The following MGAM variants were observed in gnomAD, a reference collection of about 807,000 sequenced individuals.
MGAM encodes the protein alpha-1,4-glucosidase.
Under a neutral mutation model 358.8 loss-of-function variants are expected in MGAM, and 253 were observed. The observed-to-expected ratio is 0.71, with a 90% CI of 0.64 to 0.78. The LOEUF (loss-of-function observed/expected upper bound fraction) is 0.78. MGAM is among the 30% of genes least tolerant of loss of function. The pLI is 0.00. For missense variants in MGAM, 3,080 were observed against 3,432.6 expected (o/e 0.90, Z 2.57); for synonymous variants, 1,105 against 1,227.1 (o/e 0.90, Z 2.08).
chr7:142,072,932 T>G (rs549613395), intron 44 of MGAM, among the ~76,000 whole-genome samples: 1 of 146,762 alleles, frequency 6.8e-6, no homozygotes, highest in African/African-American at 2.4e-5. Flanking sequence ...TAGCTCAGTG[T>G]TTTGCTATCC....
At chr7:142,067,962 AT>A (rs1563191192) in intron 42 of MGAM, among the ~76,000 whole-genome samples, 648 of 36,274 alleles carry the variant, frequency 0.018, 30 homozygotes, top group African/African-American at 0.047. Context: ...ATATATATAT[AT>A]AAATATATAT....
intron 26 of MGAM, among the ~76,000 whole-genome samples, chr7:142,053,399 C>G (rs145469241): frequency 1.3e-3 from 204 of 152,008 alleles, no homozygotes; most frequent in Non-Finnish European, 2.7e-3. Context: ...GAATGATGAC[C>G]GTGTTGGTAT....
intron 43 of MGAM, 38 bp downstream of exon 43, chr7:142,068,741 G>A: frequency 2.1e-6 from 3 of 1,412,512 alleles, no homozygotes; most frequent in Non-Finnish European, 2.0e-6. Flanking sequence ...ACGGGAATGT[G>A]GTAGAGAGTA....
chr7:142,047,686 A>G, intron 21 of MGAM, 99 bp from the exon 22 acceptor site: 1 of 1,106,218 alleles, frequency 9.0e-7, no homozygotes, highest in Non-Finnish European at 1.4e-6. Context: ...ATCTGCTGCT[A>G]GTAACTTTTC....
chr7:142,103,838 G>A (rs113943304), intron 70 of MGAM, among the ~76,000 whole-genome samples: 1,814 of 151,740 alleles, frequency 0.012, 31 homozygotes, highest in African/African-American at 0.042. Context: ...AACTATGATA[G>A]AATGCTTCCT....
In MGAM at chr7:142,034,274, G is replaced by A. The variant is rs1807774167; in HGVS notation, c.1682G>A (p.Gly561Glu). ...NPPFTPRILD[G>E]YLFCKTLCMD... Reference sequence around the variant, plus strand: ...GCTTTTGTTTCAGGAATCCTGGATGGGTACCTGTTCTGCAAGACTCTCTGT... The same window carrying A: ...GCTTTTGTTTCAGGAATCCTGGATGAGTACCTGTTCTGCAAGACTCTCTGT... Residue 561 changes from glycine (G) to glutamate (E), a missense_variant, in exon 15 of 71, where the codon GGG becomes GAG. Gly to Glu is a moderately conservative substitution (Grantham distance 98). Around this residue, in one of 5 missense-constraint regions of MGAM, gnomAD observed 1,816 missense variants for 1,840.5 expected, o/e 0.99. Transcript: ENST00000475668. The A allele has an allele frequency of 6.3e-7, 1 of 1,591,534 alleles. No individual in the cohort carries two copies. Among genetic ancestry groups the A allele is most frequent in the African/African-American group, 1.3e-5 (1 of 74,522 alleles).
chr7:142,070,350 G>C (rs1221446515), intron 43 of MGAM, among the ~76,000 whole-genome samples: 1 of 146,272 alleles, frequency 6.8e-6, no homozygotes, highest in African/African-American at 2.4e-5. Context: ...GCAAACTATG[G>C]CCCACAGCCA....
At chr7:142,053,092 A>C in intron 26 of MGAM, 108 bp downstream of exon 26, 2 of 1,207,334 alleles carry the variant, frequency 1.7e-6, no homozygotes, top group Non-Finnish European at 2.3e-6. Flanking sequence ...GCTACAACAG[A>C]CTATATCATT....
chr7:142,045,052 AATAT>A (rs1809877975), intron 21 of MGAM, among the ~76,000 whole-genome samples: 1 of 93,812 alleles, frequency 1.1e-5, no homozygotes, highest in East Asian at 2.4e-4. Context: ...TATGATATAT[AATAT>A]GTATATTATA....
In MGAM at chr7:142,066,389, C is replaced by G. The variant is rs1351615105; in HGVS notation, c.4771-184C>G. Among the ~76,000 whole-genome samples the G allele has an allele frequency of 2.7e-5, 4 of 146,138 alleles. 1 individual carries two copies. Among genetic ancestry groups the G allele is most frequent in the African/African-American group, 9.7e-5 (4 of 41,112 alleles). ...AGAATGTCTTACAGTGAAATTTTAT[C>G]AGCTGTCTTAGGAGAGCTTTGGTGA... On this transcript the variant is annotated intron_variant, in intron 40 of 70. Coordinates refer to ENST00000475668, the MANE Select transcript of MGAM (RefSeq NM_001365693.1).
intron 53 of MGAM, among the ~76,000 whole-genome samples, 157 bp downstream of exon 53, chr7:142,083,570 C>G (rs114811354): frequency 6.8e-6 from 1 of 146,368 alleles, no homozygotes; most frequent in Non-Finnish European, 1.5e-5. Context: ...ATTCTAATCA[C>G]CATTAAATTT....
At chr7:142,095,543 C>T (rs1815823915) in intron 63 of MGAM, 22 bp from the exon 64 acceptor site, 8 of 1,612,336 alleles carry the variant, frequency 5.0e-6, no homozygotes, top group East Asian at 2.2e-5. Flanking sequence ...AAGCTCCCAA[C>T]ACTGTTCTCT....
chr7:142,039,113 T>C (rs1808274795), intron 19 of MGAM, among the ~76,000 whole-genome samples: 1 of 148,654 alleles, frequency 6.7e-6, no homozygotes, highest in South Asian at 2.1e-4. Context: ...CTTTTTTTTT[T>C]TTTTTTTTTT....
chr7:142,094,321 C>A (rs1393075928), intron 60 of MGAM, 43 bp from the exon 61 acceptor site: 1 of 1,494,568 alleles, frequency 6.7e-7, no homozygotes. Context: ...GCCTTTGCTT[C>A]CTGGCGGTGC....
At chr7:142,018,052 G>A (rs1486517430) in intron 3 of MGAM, among the ~76,000 whole-genome samples, 1 of 152,172 alleles carries the variant, frequency 6.6e-6, no homozygotes, top group East Asian at 1.9e-4. Context: ...ATCTATTGCT[G>A]TGTAATAAAT....
At chr7:142,040,011 CA>C in intron 19 of MGAM, 103 bp from the exon 20 acceptor site, 1 of 853,400 alleles carries the variant, frequency 1.2e-6, no homozygotes, top group Non-Finnish European at 1.9e-6. Context: ...GGCATAATAG[CA>C]GGGCATTCCT....
rs527543926 is a variant in MGAM at position 141,990,656 on chromosome 7, C to CT, written c.-2-14864dup. On this transcript the variant is annotated intron_variant, in intron 2 of 5. Coordinates refer to the MGAM transcript ENST00000465654. ...GTTTCTAAAACAGGTTCTGTTATTTCTTTTTTTTTATGTTTTTTTATTTTT... is the reference window on the plus strand; with the variant it reads ...GTTTCTAAAACAGGTTCTGTTATTTCTTTTTTTTTTATGTTTTTTTATTTTT... Among the ~76,000 whole-genome samples the CT allele has an allele frequency of 1.1e-3, 163 of 151,018 alleles. 2 individuals carry two copies. The South Asian group carries it at 0.029, about 27-fold the overall frequency.
rs1274381181 is a variant in MGAM, at chr7:142,078,834, T to G, written c.5673T>G (p.Phe1891Leu). The G allele has an allele frequency of 3.9e-6, 6 of 1,555,480 alleles. 2 individuals carry two copies. Among genetic ancestry groups the G allele is most frequent in the South Asian group, 3.4e-5 (3 of 89,188 alleles). Reference protein sequence around the residue: ...WEASNSSGVPFCYFVNDLYSV... With the variant: ...WEASNSSGVPLCYFVNDLYSV... ...CATCCAATTCTTCTGGAGTCCCTTTTTGCTATTTTGTCAACGACCTATACT... is the reference window on the plus strand; with the variant it reads ...CATCCAATTCTTCTGGAGTCCCTTTGTGCTATTTTGTCAACGACCTATACT... Residue 1891 changes from phenylalanine (F) to leucine (L), a missense_variant, in exon 49 of 71, where the codon TTT becomes TTG. Coordinates refer to ENST00000475668, the MANE Select transcript of MGAM (RefSeq NM_001365693.1).
chr7:142,053,019 C>T, intron 26 of MGAM, 35 bp downstream of exon 26: 2 of 1,601,128 alleles, frequency 1.2e-6, no homozygotes, highest in Non-Finnish European at 1.7e-6. Flanking sequence ...AGTGATTAGA[C>T]CCTTTTCAGT....
Sources: allele counts gnomAD v4.1 joint callset (sites outside exome capture counted in the v4.1 genomes callset), GRCh38; gene constraint gnomAD v4.1.1; regional missense constraint gnomAD v4.1.1; transcripts MANE v1.5; gene names NCBI Gene and HGNC (gene_info 2026-07-23, HGNC 2026-07-21).